PVALB: variants seen among roughly 807,000 people sequenced by gnomAD.
The protein encoded by PVALB is parvalbumin alpha.
PVALB carries 11 observed loss-of-function variants against 10.9 expected under a neutral mutation model. That is an observed-to-expected ratio of 1.01 (90% confidence interval 0.63 to 1.67). PVALB has a LOEUF of 1.67. Among genes scored for constraint, PVALB ranks in the 40% most tolerant of loss-of-function variants. The pLI is 0.00. For missense variants in PVALB, 131 were observed against 136.2 expected (o/e 0.96, Z 0.19); for synonymous variants, 57 against 50.7 (o/e 1.12, Z -0.53).
chr22:36,803,834 A>G (rs1384543383), intron 3 of PVALB, among the ~76,000 whole-genome samples: 2 of 152,116 alleles, frequency 1.3e-5, no homozygotes, highest in Non-Finnish European at 2.9e-5. Flanking sequence ...TAGATGGGGA[A>G]ATGGAGGCTG....
At chr22:36,802,301 G>C (rs1938877662) in intron 3 of PVALB, among the ~76,000 whole-genome samples, 1 of 152,032 alleles carries the variant, frequency 6.6e-6, no homozygotes, top group Admixed American at 6.6e-5. Flanking sequence ...ATGCTGTATT[G>C]TAGAAATAAC....
At chr22:36,801,021 T>A in intron 3 of PVALB, 103 bp from the exon 4 acceptor site, 1 of 1,115,650 alleles carries the variant, frequency 9.0e-7, no homozygotes, top group Non-Finnish European at 1.4e-6. Context: ...TCTGGGTTCT[T>A]GCTTCTGCTG....
intron 2 of PVALB, 86 bp from the exon 3 acceptor site, chr22:36,813,841 G>T: frequency 1.9e-6 from 2 of 1,035,762 alleles, no homozygotes; most frequent in Non-Finnish European, 3.0e-6. Context: ...TCTGGTTTCT[G>T]TATGGGGAAA....
intron 3 of PVALB, among the ~76,000 whole-genome samples, chr22:36,805,034 A>C (rs1938928576): frequency 1.3e-5 from 2 of 152,146 alleles, no homozygotes; most frequent in Non-Finnish European, 2.9e-5. Context: ...CAGGATGGGG[A>C]ATGTAGCTTT....
intron 2 of PVALB, 96 bp from the exon 3 acceptor site, chr22:36,813,851 AG>A (rs1939087435): frequency 1.1e-6 from 1 of 949,404 alleles, no homozygotes; most frequent in East Asian, 2.4e-5. Context: ...GTATGGGGAA[AG>A]GGATGGCTGG....
chr22:36,803,576 T>C (rs973077355), intron 3 of PVALB, among the ~76,000 whole-genome samples: 3 of 149,120 alleles, frequency 2.0e-5, no homozygotes, highest in Non-Finnish European at 4.5e-5. Flanking sequence ...GATGGATGGA[T>C]GGATGGATGA....
chr22:36,817,198 C>G (rs1305798160), upstream of PVALB, among the ~76,000 whole-genome samples: 1 of 152,110 alleles, frequency 6.6e-6, no homozygotes. Flanking sequence ...TGAGCAGCGC[C>G]GGCCGCCGGC....
chr22:36,812,940 A>G (rs150856154), intron 3 of PVALB, among the ~76,000 whole-genome samples: 36 of 152,364 alleles, frequency 2.4e-4, no homozygotes, highest in Non-Finnish European at 4.1e-4. Flanking sequence ...AATGCCACAC[A>G]GAGCCAAATG....
intron 3 of PVALB, 34 bp downstream of exon 3, chr22:36,813,612 C>A: frequency 1.9e-6 from 3 of 1,543,266 alleles, no homozygotes; most frequent in Non-Finnish European, 2.7e-6. Context: ...CCAAGATCCA[C>A]AATATGCCCA....
At chr22:36,814,673 A>G (rs1050944557) in intron 2 of PVALB, among the ~76,000 whole-genome samples, 4 of 151,932 alleles carry the variant, frequency 2.6e-5, no homozygotes, top group Admixed American at 6.5e-5. Context: ...TAGAAATTGC[A>G]CCAGCCACAC....
chr22:36,811,828 G>A (rs976520418), intron 3 of PVALB, among the ~76,000 whole-genome samples: 1 of 152,082 alleles, frequency 6.6e-6, no homozygotes, highest in African/African-American at 2.4e-5. Flanking sequence ...AGCACCAGAA[G>A]CCCCAGGAGC....
At chr22:36,816,877 C>T (rs963937184) in intron 1 of PVALB, 68 bp downstream of exon 1, 59 of 1,374,106 alleles carry the variant, frequency 4.3e-5, no homozygotes, top group Non-Finnish European at 4.9e-5. Context: ...GCTGCGGGGC[C>T]GGCGGAGTGC....
upstream of PVALB, among the ~76,000 whole-genome samples, chr22:36,818,011 A>C (rs1315892985): frequency 6.6e-6 from 1 of 152,048 alleles, no homozygotes; most frequent in Non-Finnish European, 1.5e-5. Flanking sequence ...CACGGTGCCT[A>C]TCTGTATGCA....
At position 36,800,832 on chromosome 22, in the gene PVALB, G is replaced by A. The variant is rs1433904003; in HGVS notation, c.*58C>T. The A allele has an allele frequency of 4.6e-6, 7 of 1,536,134 alleles. No individual in the cohort carries two copies. Among genetic ancestry groups the A allele is most frequent in the Non-Finnish European group, 6.3e-6 (7 of 1,109,288 alleles). On this transcript the variant is annotated 3_prime_UTR_variant, in exon 4 of 4. Transcript: ENST00000417718. Reference sequence around the variant, plus strand: ...CAGAAATGCAGGAGGGTGGCGAGAGGGGCCGAGATTGGGTGTTCAGGGCAG... The same window carrying A: ...CAGAAATGCAGGAGGGTGGCGAGAGAGGCCGAGATTGGGTGTTCAGGGCAG...
At chr22:36,801,008 C>A in intron 3 of PVALB, 90 bp from the exon 4 acceptor site, 1 of 1,305,848 alleles carries the variant, frequency 7.7e-7, no homozygotes, top group South Asian at 1.2e-5. Context: ...GGGTGGTGCT[C>A]TCTCTGGGTT....
intron 3 of PVALB, 30 bp downstream of exon 3, chr22:36,813,616 A>C: frequency 6.5e-7 from 1 of 1,547,628 alleles, no homozygotes; most frequent in South Asian, 1.1e-5. Context: ...GATCCACAAT[A>C]TGCCCAGACC....
At chr22:36,804,191 G>A (rs2098141648) in intron 3 of PVALB, among the ~76,000 whole-genome samples, 1 of 152,198 alleles carries the variant, frequency 6.6e-6, no homozygotes, top group South Asian at 2.1e-4. Context: ...GGGCTCTCAG[G>A]CTGCTCATCG....
chr22:36,812,038 A>G (rs1939054238), intron 3 of PVALB, among the ~76,000 whole-genome samples: 1 of 152,186 alleles, frequency 6.6e-6, no homozygotes, highest in Non-Finnish European at 1.5e-5. Flanking sequence ...AACAACAAAA[A>G]AAACCCTCTA....
intron 3 of PVALB, among the ~76,000 whole-genome samples, chr22:36,812,725 A>G (rs1939065802): frequency 1.3e-5 from 2 of 152,246 alleles, no homozygotes; most frequent in South Asian, 4.1e-4. Flanking sequence ...AGACCAGCAG[A>G]AAAGCCTATT....
Sources: gnomAD v4.1 joint callset for allele counts (sites outside exome capture counted in the v4.1 genomes callset) on GRCh38, gnomAD v4.1.1 for gene constraint, MANE v1.5 for transcripts, NCBI Gene and HGNC (gene_info 2026-07-23, HGNC 2026-07-21) for gene names.